The following IGFL2 variants were observed in gnomAD, a reference collection of about 807,000 sequenced individuals.
IGFL2 encodes the protein IGF like family member 2, also known as insulin growth factor-like family member 2.
A neutral mutation model predicts 13.9 loss-of-function variants in IGFL2; 7 were observed. The observed-to-expected ratio is 0.51, with a 90% CI of 0.29 to 0.95. IGFL2 has a LOEUF of 0.95. Ranked by LOEUF, IGFL2 falls within the 40% of genes least tolerant of loss-of-function variation. The pLI, the probability that IGFL2 is intolerant of heterozygous loss-of-function variation, is 0.08. For synonymous variants in IGFL2, 55 were observed against 55.8 expected, an observed-to-expected ratio of 0.99 and a Z score of 0.07; for missense variants, 138 against 147.8, an observed-to-expected ratio of 0.93 and a Z score of 0.34.
At chr19:46,177,250 C>T in the IGFL2 span, among the ~76,000 whole-genome samples, 1 of 151,762 alleles carries the variant, frequency 6.6e-6, no homozygotes, top group East Asian at 1.9e-4. Flanking sequence ...CAAAAATTAG[C>T]GGTGTGGTGG....
At chr19:46,200,232 G>A in the IGFL2 span, among the ~76,000 whole-genome samples, 1 of 151,228 alleles carries the variant, frequency 6.6e-6, no homozygotes, top group African/African-American at 2.4e-5. Context: ...GCAGTGGTGT[G>A]ATCTCAGCTC....
At chr19:46,116,137 T>C in the IGFL2 span, among the ~76,000 whole-genome samples, 1 of 152,238 alleles carries the variant, frequency 6.6e-6, no homozygotes, top group Non-Finnish European at 1.5e-5. Flanking sequence ...ACATGCAGGT[T>C]TGTTACATAT....
At chr19:46,140,907 A>G (rs1394755951), upstream of IGFL2, among the ~76,000 whole-genome samples, 2 of 152,170 alleles carry the variant, frequency 1.3e-5, no homozygotes, top group Non-Finnish European at 2.9e-5. Flanking sequence ...CACAGTGAAT[A>G]TGGGAGAAAA....
At chr19:46,176,515 A>G in the IGFL2 span, among the ~76,000 whole-genome samples, 1 of 152,172 alleles carries the variant, frequency 6.6e-6, no homozygotes, top group African/African-American at 2.4e-5. Context: ...CTCAACCACT[A>G]AGGCCACAGG....
the IGFL2 span, among the ~76,000 whole-genome samples, chr19:46,120,720 A>G: frequency 6.6e-6 from 1 of 151,082 alleles, no homozygotes; most frequent in African/African-American, 2.5e-5. Context: ...GGAGATACAG[A>G]TATTATAAAC....
At chr19:46,093,874 A>G in the IGFL2 span, among the ~76,000 whole-genome samples, 1 of 152,136 alleles carries the variant, frequency 6.6e-6, no homozygotes, top group African/African-American at 2.4e-5. Flanking sequence ...CAAACAAAAT[A>G]TGTGTGGATC....
At chr19:46,123,935 C>G in the IGFL2 span, 2 of 1,611,368 alleles carry the variant, frequency 1.2e-6, no homozygotes, top group Non-Finnish European at 1.7e-6. Flanking sequence ...GACTTCATAC[C>G]CAGAACCCTC....
At chr19:46,134,519 C>G in the IGFL2 span, among the ~76,000 whole-genome samples, 1 of 152,188 alleles carries the variant, frequency 6.6e-6, no homozygotes, top group Admixed American at 6.5e-5. Flanking sequence ...GCTTGTTCTT[C>G]TGCAGCTAGA....
the IGFL2 span, among the ~76,000 whole-genome samples, chr19:46,084,701 T>C: frequency 6.6e-6 from 1 of 152,000 alleles, no homozygotes; most frequent in Non-Finnish European, 1.5e-5. Context: ...AAAAACCAGA[T>C]CTTACAAGAA....
At chr19:46,200,656 C>T in the IGFL2 span, 1 of 152,374 alleles carries the variant, frequency 6.6e-6, no homozygotes, top group South Asian at 2.1e-4. Context: ...GCTGAGACCA[C>T]AGGTGTGTGC....
At chr19:46,085,252 A>G in the IGFL2 span, among the ~76,000 whole-genome samples, 2 of 152,152 alleles carry the variant, frequency 1.3e-5, no homozygotes, top group African/African-American at 4.8e-5. Context: ...AAAAAACACC[A>G]AAAGAAAACA....
the IGFL2 span, among the ~76,000 whole-genome samples, chr19:46,135,394 A>G: frequency 6.6e-6 from 1 of 152,062 alleles, no homozygotes; most frequent in Non-Finnish European, 1.5e-5. Flanking sequence ...GTATCCATTA[A>G]CTACAGGGTT....
chr19:46,135,464 A>G, the IGFL2 span, among the ~76,000 whole-genome samples: 2 of 152,124 alleles, frequency 1.3e-5, no homozygotes, highest in African/African-American at 4.8e-5. Flanking sequence ...GCTCTGAACC[A>G]TCCGAACCAT....
upstream of IGFL2, among the ~76,000 whole-genome samples, chr19:46,142,888 C>A (rs930468902): frequency 2.0e-5 from 3 of 152,186 alleles, no homozygotes; most frequent in Non-Finnish European, 4.4e-5. Context: ...CACTGTCAAG[C>A]CTTCACAGCA....
At chr19:46,136,848 G>A in the IGFL2 span, 1 of 718,518 alleles carries the variant, frequency 1.4e-6, no homozygotes, top group East Asian at 2.7e-5. Context: ...ATCCATTGGA[G>A]TAGGGGGAGG....
the IGFL2 span, among the ~76,000 whole-genome samples, chr19:46,166,707 C>G: frequency 6.6e-6 from 1 of 152,172 alleles, no homozygotes. Flanking sequence ...GAGACGTACC[C>G]CTAGGTGCGC....
chr19:46,214,565 C>G, the IGFL2 span: 1 of 152,154 alleles, frequency 6.6e-6, no homozygotes, highest in Admixed American at 6.5e-5. Flanking sequence ...CCGGTCCTCA[C>G]AGCAGCGCTG....
the IGFL2 span, among the ~76,000 whole-genome samples, chr19:46,170,776 C>G: frequency 6.6e-6 from 1 of 152,236 alleles, no homozygotes; most frequent in African/African-American, 2.4e-5. Flanking sequence ...CTGCAGCACC[C>G]CCAGGCTTGC....
At chr19:46,187,716 C>T in the IGFL2 span, among the ~76,000 whole-genome samples, 15 of 140,946 alleles carry the variant, frequency 1.1e-4, no homozygotes, top group Admixed American at 2.2e-4. Context: ...TGATCAGAGA[C>T]GGTGAGCATT....
Sources: gnomAD v4.1 joint callset for allele counts (sites outside exome capture counted in the v4.1 genomes callset) on GRCh38, gnomAD v4.1.1 for gene constraint, MANE v1.5 for transcripts, NCBI Gene and HGNC (gene_info 2026-07-23, HGNC 2026-07-21) for gene names.